Variants in MUC12 observed in about 807,000 individuals in gnomAD.
The protein encoded by MUC12 is mucin 12, cell surface associated.
A neutral mutation model predicts 230.8 loss-of-function variants in MUC12; 172 were observed. That is an observed-to-expected ratio of 0.75 (90% CI 0.66 to 0.85). MUC12 has a LOEUF of 0.85. Among genes scored for constraint, MUC12 ranks in the 40% least tolerant of loss-of-function variants. The pLI, the probability that MUC12 is intolerant of heterozygous loss-of-function variation, is 0.00. For synonymous variants in MUC12, 1,259 were observed against 2,401.9 expected (o/e 0.52, Z 13.91); for missense variants, 3,506 against 5,920.6 (o/e 0.59, Z 13.38).
chr7:100,992,238 A>C lies in MUC12; in HGVS notation c.1675A>C (p.Thr559Pro). The C allele has an allele frequency of 6.5e-7, 1 of 1,537,216 alleles. No individual in the cohort carries two copies. Among genetic ancestry groups the C allele is most frequent in the Non-Finnish European group, 8.7e-7 (1 of 1,146,508 alleles). The change falls in exon 2 of 12, where the codon ACA becomes CCA. Residue 559 changes from threonine (T) to proline (P), a missense_variant. Physicochemically the swap from Thr to Pro is conservative, Grantham distance 38. Coordinates refer to ENST00000536621, the MANE Select transcript of MUC12 (RefSeq NM_001164462.2). ...AGCTTCCCACAGCAGCCCAGGCCCCACAGACACAACATTGTCCCCTGGCAG... is the reference window on the plus strand; with the variant it reads ...AGCTTCCCACAGCAGCCCAGGCCCCCCAGACACAACATTGTCCCCTGGCAG... ...STASHSSPGP[T>P]DTTLSPGSTT...
intron 1 of MUC12, among the ~76,000 whole-genome samples, chr7:100,986,994 C>T (rs938382228): frequency 1.3e-5 from 2 of 151,352 alleles, no homozygotes; most frequent in Admixed American, 6.6e-5. Flanking sequence ...CCTACACGTA[C>T]TGTCCCATGT....
rs549337775 is a variant in MUC12 at position 101,012,356 on chromosome 7, T to C, written c.15312T>C (p.Tyr5104=). The C allele has an allele frequency of 1.3e-5, 20 of 1,537,530 alleles. No individual in the cohort carries two copies. In the South Asian group the frequency reaches 2.1e-4, roughly 16 times the overall value. ...TGGAGGCAGACTACACTTTAGAGTA[T>C]GAGGAACTGTTTGAAAACCTGGCAG... ...VILEADYTLE[Y]EELFENLAEI... is the part of the protein sequence containing the mutation. The change falls in exon 6 of 12, where the codon TAT becomes TAC. Residue 5104 remains tyrosine, a synonymous_variant. Transcript: ENST00000536621.
chr7:101,008,594 G>A lies in MUC12; in HGVS notation c.15059-40G>A, dbSNP rs565630654. The A allele has an allele frequency of 1.9e-5, 29 of 1,525,956 alleles. No homozygotes were observed. In the African/African-American group the frequency reaches 4.0e-4, roughly 21 times the overall value. 94.5% of individuals were successfully genotyped at this position (1,525,956 alleles called of 1,614,324 possible). ...TATCAATCCTGGGGGACATTATTGG[G>A]AGGTCGCTGTCTCACGCATACCATG... On this transcript the variant is annotated intron_variant, in intron 3 of 11. Coordinates refer to ENST00000536621, the MANE Select transcript of MUC12 (RefSeq NM_001164462.2).
At position 101,004,875 on chromosome 7, in the gene MUC12, GC is replaced by G. The variant is rs1310850510; in HGVS notation, c.14314del (p.Gln4772LysfsTer212). On this transcript the variant is annotated frameshift_variant, in exon 2 of 12. Transcript: ENST00000536621. LOFTEE classifies it high-confidence loss of function. ...SISGEPTSLY[S>X]QAESTHTTAF... ...AGTGGAGAACCCACCAGCTTGTATAGCCAAGCAGAGTCAACACACACAACAG... is the reference window on the plus strand; with the variant it reads ...AGTGGAGAACCCACCAGCTTGTATAGCAAGCAGAGTCAACACACACAACAG... 1 of 1,537,782 alleles carries G rather than the reference GC, an allele frequency of 6.5e-7. No individual in the cohort carries two copies. Among genetic ancestry groups the G allele is most frequent in the Non-Finnish European group, 8.7e-7 (1 of 1,147,058 alleles).
chr7:100,991,963 C>T lies in MUC12; in HGVS notation c.1400C>T (p.Pro467Leu). The change falls in exon 2 of 12, where the codon CCC (proline) becomes CTC (leucine). Residue 467 changes from proline to leucine, a missense_variant. Pro to Leu is a moderately conservative substitution (Grantham distance 98). Coordinates refer to ENST00000536621, the MANE Select transcript of MUC12 (RefSeq NM_001164462.2). The stretch of plus-strand genomic sequence containing the variant: ...TCAGTTCTTGTTGGAGACTCGACGC[C>T]CTCACCCATCAGTTCAGGCTCAATG... ...TPSVLVGDST[P>L]SPISSGSMET... 1.3e-6 allele frequency: 2 copies of T among 1,537,918 alleles called. No individual in the cohort carries two copies. The highest frequency in any genetic ancestry group is 1.7e-6 in the Non-Finnish European group (2 of 1,147,070).
rs1469559483 is a variant in MUC12, at chr7:100,992,856, G to A, written c.2293G>A (p.Glu765Lys). ...CAGCTCCACAACCTCAGGCCGTAGT[G>A]AGGAATCAACAGCATCGCACAGCAG... ...PDSSTTSGRSEESTASHSSQD... is the reference protein window; with the variant it reads ...PDSSTTSGRSKESTASHSSQD... Residue 765 changes from glutamate to lysine, a missense_variant, in exon 2 of 12, where the codon GAG becomes AAG. Physicochemically the swap from Glu to Lys is moderately conservative, Grantham distance 56 (BLOSUM62 1). Transcript: ENST00000536621. 4 of 1,537,610 alleles carry A rather than the reference G, an allele frequency of 2.6e-6. No homozygotes were observed. Among genetic ancestry groups the A allele is most frequent in the Non-Finnish European group, 3.5e-6 (4 of 1,147,034 alleles).
intron 2 of MUC12, among the ~76,000 whole-genome samples, chr7:101,005,850 T>A (rs983317087): frequency 6.6e-6 from 1 of 151,076 alleles, no homozygotes; most frequent in African/African-American, 2.4e-5. Flanking sequence ...CAGGCTGGGG[T>A]GCAATGACAT....
chr7:100,995,464 C>T lies in MUC12; in HGVS notation c.4901C>T (p.Thr1634Ile), dbSNP rs1361337834. 1 of 1,526,158 alleles carries T rather than the reference C, an allele frequency of 6.6e-7. No homozygotes were observed. The highest frequency in any genetic ancestry group is 2.4e-5 in the East Asian group (1 of 40,886). 94.5% of individuals were successfully genotyped at this position (1,526,158 alleles called of 1,614,324 possible). ...TCATCCCTTGGTCCAGAATCTACTACTTTCCACAGCAGCCCAGGCTCCACT... is the reference window on the plus strand; with the variant it reads ...TCATCCCTTGGTCCAGAATCTACTATTTTCCACAGCAGCCCAGGCTCCACT... ...TASSLGPEST[T>I]FHSSPGSTET... Residue 1634 changes from threonine to isoleucine, a missense_variant, in exon 2 of 12, where the codon ACT becomes ATT. By Grantham distance (89) the Thr-to-Ile change is moderately conservative. Transcript: ENST00000536621.
chr7:101,005,175 T>C lies in MUC12; in HGVS notation c.14612T>C (p.Met4871Thr). The C allele has an allele frequency of 6.5e-7, 1 of 1,537,742 alleles. No individual in the cohort carries two copies. Among genetic ancestry groups the C allele is most frequent in the African/African-American group, 1.4e-5 (1 of 73,068 alleles). ...ACAGCGTTTTCTCACAGCAACACAA[T>C]GTCCATTCATAGTCAACAATCTACA... ...ETTAFSHSNT[M>T]SIHSQQSTPF... The change falls in exon 2 of 12, where the codon ATG becomes ACG. Residue 4871 changes from methionine (M) to threonine (T), a missense_variant. By Grantham distance (81) the Met-to-Thr change is moderately conservative. Coordinates refer to ENST00000536621, the MANE Select transcript of MUC12 (RefSeq NM_001164462.2).
In MUC12 at chr7:101,005,180, ATTCAT is replaced by A; in HGVS notation, c.14618_14622del (p.Ile4873LysfsTer9). Reference sequence around the variant, plus strand: ...GTTTTCTCACAGCAACACAATGTCCATTCATAGTCAACAATCTACACCCTTCCCTG... The same window carrying A: ...GTTTTCTCACAGCAACACAATGTCCAAGTCAACAATCTACACCCTTCCCTG... On this transcript the variant is annotated frameshift_variant, in exon 2 of 12. Coordinates refer to ENST00000536621, the MANE Select transcript of MUC12 (RefSeq NM_001164462.2). LOFTEE classifies it high-confidence loss of function. The A allele has an allele frequency of 1.3e-6, 2 of 1,537,582 alleles. No individual in the cohort carries two copies. Among genetic ancestry groups the A allele is most frequent in the Non-Finnish European group, 1.7e-6 (2 of 1,146,984 alleles).
At chr7:100,972,138 G>A in intron 1 of MUC12, 2 of 703,544 alleles carry the variant, frequency 2.8e-6, no homozygotes, top group Non-Finnish European at 5.2e-6. Flanking sequence ...TGTTCACAAA[G>A]CCATTTCCCA....
chr7:101,008,946 T>C, intron 4 of MUC12, 149 bp from the exon 5 acceptor site: 1 of 1,227,970 alleles, frequency 8.1e-7, no homozygotes, highest in Non-Finnish European at 1.1e-6. Context: ...ACCCACATTA[T>C]GGCAGAGGGA....
Position 100,981,433 on chromosome 7 carries a change from G to A in MUC12, c.68-9198G>A, listed in dbSNP as rs923511499. The A allele has an allele frequency of 2.5e-5, 15 of 611,976 alleles. No individual in the cohort carries two copies. In the African/African-American group the frequency reaches 2.5e-4, roughly 10 times the overall value. 37.9% of individuals were successfully genotyped at this position (611,976 alleles called of 1,614,324 possible). ...AGGGGACGACGGGGATGGCAGAGCC[G>A]AGGGCTTTAGCCTGGGGCTCCCACT... On this transcript the variant is annotated intron_variant, in intron 1 of 11. Coordinates refer to ENST00000536621, the MANE Select transcript of MUC12 (RefSeq NM_001164462.2).
chr7:100,992,213 A>G lies in MUC12; in HGVS notation c.1650A>G (p.Thr550=). ...TTMPGLSQES[T]ASHSSPGPTD... is the part of the protein sequence containing the mutation. ...TGCCAGGCCTCAGTCAGGAATCTAC[A>G]GCTTCCCACAGCAGCCCAGGCCCCA... Residue 550 remains threonine (T), a synonymous_variant, in exon 2 of 12, where the codon ACA becomes ACG. Coordinates refer to ENST00000536621, the MANE Select transcript of MUC12 (RefSeq NM_001164462.2). 2.6e-6 allele frequency: 4 copies of G among 1,537,826 alleles called. No homozygotes were observed. The highest frequency in any genetic ancestry group is 3.5e-6 in the Non-Finnish European group (4 of 1,147,034).
chr7:100,971,722 T>C (rs1156856434), intron 1 of MUC12, among the ~76,000 whole-genome samples: 2 of 152,304 alleles, frequency 1.3e-5, no homozygotes, highest in African/African-American at 4.8e-5. Flanking sequence ...TGGGAAACTG[T>C]GGGCCTGGAT....
In MUC12 at chr7:100,986,417, C is replaced by CAAA. The variant is rs111411249; in HGVS notation, c.68-4204_68-4202dup. Among the ~76,000 whole-genome samples, 33 of 135,056 alleles carry CAAA rather than the reference C, an allele frequency of 2.4e-4. No individual in the cohort carries two copies. The South Asian group carries it at 2.9e-3, about 12-fold the overall frequency. The allele number at this position is 135,056 out of a possible 152,430, so 88.6% of individuals were successfully genotyped here. A position where few individuals can be genotyped will look rare whatever the true frequency, so the allele number is the denominator to read the frequency against. On this transcript the variant is annotated intron_variant, in intron 1 of 11. Transcript: ENST00000536621. ...CAGGTAACAGAGTGAGACCCTGTCTCAAAAAAAAAAAAGAAAAAAAAAGCC... is the reference window on the plus strand; with the variant it reads ...CAGGTAACAGAGTGAGACCCTGTCTCAAAAAAAAAAAAAAAGAAAAAAAAAGCC...
intron 1 of MUC12, among the ~76,000 whole-genome samples, chr7:100,974,427 A>G (rs189478255): frequency 5.1e-3 from 68 of 13,266 alleles, no homozygotes; most frequent in Admixed American, 0.021. Flanking sequence ...TGACTTATCA[A>G]TTGACTGAAG....
intron 1 of MUC12, chr7:100,981,235 T>C (rs1793099689): frequency 5.0e-6 from 2 of 403,828 alleles, no homozygotes; most frequent in Admixed American, 4.4e-5. Flanking sequence ...ACCCTGACCC[T>C]GGAGGTTGAA....
At chr7:101,016,748 T>TGGGAGA (rs1225283592) in intron 10 of MUC12, 2 of 145,490 alleles carry the variant, frequency 1.4e-5, no homozygotes, top group African/African-American at 2.6e-5. Context: ...GCTGAGTGGG[T>TGGGAGA]GGGAGAGGGA....
Sources: gnomAD v4.1 joint callset for allele counts (sites outside exome capture counted in the v4.1 genomes callset) on GRCh38, gnomAD v4.1.1 for gene constraint, MANE v1.5 for transcripts, NCBI Gene and HGNC (gene_info 2026-07-23, HGNC 2026-07-21) for gene names.